MAD1L1: variants seen among roughly 807,000 people sequenced by gnomAD.
The protein encoded by MAD1L1 is mitotic arrest deficient 1 like 1.
MAD1L1 carries 95 observed loss-of-function variants against 96.9 expected under a neutral mutation model. The ratio of observed to expected loss-of-function variants is 0.98; its 90% CI spans 0.83 to 1.16. MAD1L1 has a LOEUF of 1.16. Among genes scored for constraint, MAD1L1 ranks in the 50% most tolerant of loss-of-function variants. The pLI is 0.00. For missense variants in MAD1L1, 1,007 were observed against 954.4 expected (o/e 1.06, Z -0.73); for synonymous variants, 473 against 396.6 (o/e 1.19, Z -2.29).
chr7:2,190,322 G>T (rs77946623), intron 10 of MAD1L1, among the ~76,000 whole-genome samples: 2,018 of 152,226 alleles, frequency 0.013, 47 homozygotes, highest in African/African-American at 0.046. Context: ...GTATTGTGGG[G>T]CAGGAAAGCG....
intron 11 of MAD1L1, among the ~76,000 whole-genome samples, chr7:2,131,899 C>T (rs1226646378): frequency 6.6e-6 from 1 of 152,230 alleles, no homozygotes; most frequent in African/African-American, 2.4e-5. Flanking sequence ...GTGAGCCCCC[C>T]ACAAGGGCCT....
chr7:1,907,778 C>A (rs1402438470), intron 17 of MAD1L1, among the ~76,000 whole-genome samples: 2 of 152,260 alleles, frequency 1.3e-5, no homozygotes, highest in Non-Finnish European at 2.9e-5. Context: ...GTGTCGTCAA[C>A]AACCACTTGG....
At chr7:2,047,802 C>G (rs1050211364) in intron 12 of MAD1L1, among the ~76,000 whole-genome samples, 1 of 152,164 alleles carries the variant, frequency 6.6e-6, no homozygotes, top group Non-Finnish European at 1.5e-5. Context: ...CACTCACACA[C>G]GTGCACTCAC....
intron 17 of MAD1L1, among the ~76,000 whole-genome samples, chr7:1,931,857 T>C (rs561454407): frequency 7.2e-5 from 11 of 152,238 alleles, no homozygotes; most frequent in African/African-American, 2.4e-4. Flanking sequence ...CACTCAGCCT[T>C]CTAGGTGCTC....
At chr7:2,144,005 G>A (rs967631225) in intron 11 of MAD1L1, among the ~76,000 whole-genome samples, 1 of 152,232 alleles carries the variant, frequency 6.6e-6, no homozygotes, top group Non-Finnish European at 1.5e-5. Context: ...CCATGACCCA[G>A]GGTCTCTGCT....
intron 11 of MAD1L1, among the ~76,000 whole-genome samples, chr7:2,099,427 G>A (rs1409099463): frequency 1.3e-5 from 2 of 152,264 alleles, no homozygotes; most frequent in African/African-American, 4.8e-5. Flanking sequence ...GTGCAGCAGA[G>A]ATAAGTAATG....
At chr7:1,921,623 C>T (rs889000853) in intron 17 of MAD1L1, among the ~76,000 whole-genome samples, 1 of 151,764 alleles carries the variant, frequency 6.6e-6, no homozygotes, top group Non-Finnish European at 1.5e-5. Context: ...CTGGCCGTGA[C>T]AAAGTAATTC....
intron 11 of MAD1L1, among the ~76,000 whole-genome samples, chr7:2,128,336 C>T (rs2128566358): frequency 6.6e-6 from 1 of 152,262 alleles, no homozygotes; most frequent in South Asian, 2.1e-4. Flanking sequence ...GCCTAGAGTC[C>T]CCGAAATGCA....
At chr7:2,079,791 G>A (rs1299751031) in intron 11 of MAD1L1, 1 of 469,946 alleles carries the variant, frequency 2.1e-6, no homozygotes, top group South Asian at 1.6e-5. Context: ...TCCGCCCCAG[G>A]CTGCTGGAGA....
intron 4 of MAD1L1, chr7:2,223,643 G>A (rs927082442): frequency 2.0e-5 from 3 of 152,326 alleles, no homozygotes; most frequent in Non-Finnish European, 4.4e-5. Flanking sequence ...GCGCACCTCG[G>A]AGGGACTCCA....
intron 15 of MAD1L1, among the ~76,000 whole-genome samples, chr7:1,973,952 G>A (rs553047786): frequency 1.4e-4 from 22 of 152,340 alleles, no homozygotes; most frequent in African/African-American, 3.6e-4. Context: ...CAGGAGACGC[G>A]CTCCCCGAGG....
Position 2,111,955 on chromosome 7 carries a change from C to T in MAD1L1, c.1073+37197G>A, listed in dbSNP as rs559043087. On this transcript the variant is annotated intron_variant, in intron 11 of 18. Transcript: ENST00000265854. The stretch of plus-strand genomic sequence containing the variant: ...AAGAGTTTAGATCATACAAAGCCAA[C>T]ATTTCCAGCAGCTTTACTCCATTTC... Among the ~76,000 whole-genome samples the T allele has an allele frequency of 1.6e-4, 24 of 152,350 alleles. No individual in the cohort carries two copies. The South Asian group carries it at 5.0e-3, about 32-fold the overall frequency.
At position 2,222,712 on chromosome 7, in the gene MAD1L1, G is replaced by A; in HGVS notation, c.334C>T (p.Gln112Ter). The change falls in exon 5 of 19, where the codon CAG becomes TAG. Residue 112 changes from glutamine to a stop codon, truncating the protein, a stop_gained. Transcript: ENST00000265854. LOFTEE classifies it high-confidence loss of function. ...RNQELLTRIR[Q>*]LQEREAGAEE... ...GCCCCGGCCTCCCGCTCCTGAAGCTGCCGGATGCGCGTCAGGAGCTCCTGG... is the reference window on the plus strand; with the variant it reads ...GCCCCGGCCTCCCGCTCCTGAAGCTACCGGATGCGCGTCAGGAGCTCCTGG... 1 of 1,609,252 alleles carries A rather than the reference G, an allele frequency of 6.2e-7. No individual in the cohort carries two copies. Among genetic ancestry groups the A allele is most frequent in the Non-Finnish European group, 8.5e-7 (1 of 1,179,608 alleles).
intron 11 of MAD1L1, among the ~76,000 whole-genome samples, chr7:2,116,241 C>A (rs1190691974): frequency 6.6e-6 from 1 of 152,184 alleles, no homozygotes; most frequent in Non-Finnish European, 1.5e-5. Flanking sequence ...GAGCGGAGTG[C>A]GTGGGTGCAG....
chr7:1,858,245 AC>A (rs1223631846), intron 18 of MAD1L1, among the ~76,000 whole-genome samples: 1 of 152,224 alleles, frequency 6.6e-6, no homozygotes, highest in East Asian at 1.9e-4. Context: ...CCTGCTCGCC[AC>A]AACCAGGAGA....
chr7:1,925,456 C>T (rs1041127077), intron 17 of MAD1L1, among the ~76,000 whole-genome samples: 2 of 152,196 alleles, frequency 1.3e-5, no homozygotes, highest in Non-Finnish European at 2.9e-5. Flanking sequence ...CTGGCAAGTC[C>T]GAGATCAAGG....
chr7:1,855,824 G>A (rs1784220614), intron 18 of MAD1L1, among the ~76,000 whole-genome samples: 1 of 152,058 alleles, frequency 6.6e-6, no homozygotes, highest in Admixed American at 6.5e-5. Flanking sequence ...GAGGCTTTCG[G>A]GGTCTGTTAC....
chr7:1,897,616 C>T (rs57196042), intron 18 of MAD1L1, among the ~76,000 whole-genome samples: 8,799 of 152,302 alleles, frequency 0.058, 593 homozygotes, highest in African/African-American at 0.16. Flanking sequence ...TGTTGGACCC[C>T]GCTCGCCCGA....
chr7:1,920,302 A>T (rs1264826815), intron 17 of MAD1L1, among the ~76,000 whole-genome samples: 2 of 152,210 alleles, frequency 1.3e-5, no homozygotes, highest in Non-Finnish European at 1.5e-5. Context: ...GTTTCGGCAG[A>T]ACCCTGCCCA....
Sources: allele counts gnomAD v4.1 joint callset (sites outside exome capture counted in the v4.1 genomes callset), GRCh38; gene constraint gnomAD v4.1.1; transcripts MANE v1.5; gene names NCBI Gene and HGNC (gene_info 2026-07-23, HGNC 2026-07-21).